The following LRRC37A2 variants were observed in gnomAD, a reference collection of about 807,000 sequenced individuals.
LRRC37A2 encodes leucine rich repeat containing 37 member A2, also known as leucine-rich repeat-containing protein 37A2.
Under a neutral mutation model 68.8 loss-of-function variants are expected in LRRC37A2, and 9 were observed. The ratio of observed to expected loss-of-function variants is 0.13; its 90% CI spans 0.08 to 0.23. LRRC37A2 has a LOEUF of 0.23. LRRC37A2 is among the 10% of genes least tolerant of loss of function. The probability of loss-of-function intolerance (pLI) is 1.00; values close to 1 mark genes in which losing one functional copy is unlikely to be tolerated. For synonymous variants in LRRC37A2, 63 were observed against 367.6 expected, an observed-to-expected ratio of 0.17 and a Z score of 9.48; for missense variants, 168 against 950.4, an observed-to-expected ratio of 0.18 and a Z score of 10.82.
chr17:46,879,000 C>T, the LRRC37A2 span, among the ~76,000 whole-genome samples: 5 of 152,206 alleles, frequency 3.3e-5, no homozygotes, highest in Admixed American at 2.6e-4. Context: ...CCTCGGCCCT[C>T]TTGGGGCCCC....
the LRRC37A2 span, chr17:47,034,990 G>A: frequency 6.6e-6 from 1 of 151,956 alleles, no homozygotes; most frequent in African/African-American, 2.4e-5. Flanking sequence ...GGAAGAGGAG[G>A]GGGATCACAA....
At chr17:47,037,119 G>A in the LRRC37A2 span, among the ~76,000 whole-genome samples, 1 of 136,422 alleles carries the variant, frequency 7.3e-6, no homozygotes, top group African/African-American at 2.7e-5. Context: ...GTGAAACCCC[G>A]TGTCTACTAA....
chr17:46,872,132 G>GC, the LRRC37A2 span, among the ~76,000 whole-genome samples: 1 of 152,164 alleles, frequency 6.6e-6, no homozygotes, highest in Non-Finnish European at 1.5e-5. Context: ...CACAAAAGCT[G>GC]CCTAGGGACT....
chr17:46,784,372 A>G, the LRRC37A2 span, among the ~76,000 whole-genome samples: 2 of 152,306 alleles, frequency 1.3e-5, no homozygotes, highest in Non-Finnish European at 2.9e-5. Context: ...TGGGCCCAAG[A>G]GAGGGACGGA....
At chr17:46,737,572 C>CGTGTGT in the LRRC37A2 span, among the ~76,000 whole-genome samples, 272 of 147,272 alleles carry the variant, frequency 1.8e-3, no homozygotes, top group Non-Finnish European at 2.8e-3. Context: ...GGTGTGTGTG[C>CGTGTGT]GTGTGTGTGT....
the LRRC37A2 span, chr17:46,762,533 T>C: frequency 2.0e-5 from 3 of 151,722 alleles, no homozygotes; most frequent in Non-Finnish European, 4.4e-5. Context: ...TTCTCTTTAA[T>C]GACTTAACAG....
chr17:46,869,628 A>G, the LRRC37A2 span, among the ~76,000 whole-genome samples: 1 of 152,266 alleles, frequency 6.6e-6, no homozygotes, highest in Non-Finnish European at 1.5e-5. Context: ...GTCAGAGGTC[A>G]TAATCAAGGA....
At chr17:46,759,676 C>T in the LRRC37A2 span, among the ~76,000 whole-genome samples, 2 of 152,176 alleles carry the variant, frequency 1.3e-5, no homozygotes, top group Admixed American at 6.5e-5. Context: ...CCAGGGGAGA[C>T]GGCATTAGGT....
At chr17:46,572,970 AAAGGGAGGGAGGGAGGGAGGGAGGGAGG>A in the LRRC37A2 span, among the ~76,000 whole-genome samples, 4 of 24,142 alleles carry the variant, frequency 1.7e-4, no homozygotes, top group Non-Finnish European at 6.6e-4. Context: ...AAAGGACAGA[AAAGGGAGGGAGGGAGGGAGGGAGGGAGG>A]AAGGGAGGAA....
At chr17:46,731,887 A>C in the LRRC37A2 span, among the ~76,000 whole-genome samples, 1 of 152,242 alleles carries the variant, frequency 6.6e-6, no homozygotes, top group African/African-American at 2.4e-5. Context: ...AACAAAATAA[A>C]AATGTGCTTT....
the LRRC37A2 span, among the ~76,000 whole-genome samples, chr17:46,735,405 C>T: frequency 1.3e-5 from 2 of 151,716 alleles, no homozygotes; most frequent in Non-Finnish European, 2.9e-5. Flanking sequence ...CCATGGGTGC[C>T]ATGACTCTAG....
At chr17:46,868,354 G>A in the LRRC37A2 span, among the ~76,000 whole-genome samples, 1 of 152,200 alleles carries the variant, frequency 6.6e-6, no homozygotes, top group Non-Finnish European at 1.5e-5. Context: ...CACTTTGGGA[G>A]GCCAAGGTGG....
At chr17:47,000,132 AAAAT>A in the LRRC37A2 span, among the ~76,000 whole-genome samples, 1 of 143,628 alleles carries the variant, frequency 7.0e-6, no homozygotes, top group Non-Finnish European at 1.5e-5. Flanking sequence ...AAAATAAAAT[AAAAT>A]AGTGCTGTGA....
chr17:46,912,466 G>A, the LRRC37A2 span, among the ~76,000 whole-genome samples: 1 of 152,140 alleles, frequency 6.6e-6, no homozygotes, highest in Non-Finnish European at 1.5e-5. Flanking sequence ...CAATACACTG[G>A]TTTTCCTTAG....
At chr17:46,810,194 G>C in the LRRC37A2 span, among the ~76,000 whole-genome samples, 1 of 151,868 alleles carries the variant, frequency 6.6e-6, no homozygotes, top group Non-Finnish European at 1.5e-5. Flanking sequence ...TTTTAGTAGA[G>C]ACAGGGTTTC....
the LRRC37A2 span, chr17:46,936,527 C>T: frequency 2.0e-6 from 2 of 985,510 alleles, no homozygotes; most frequent in Non-Finnish European, 2.4e-6. Flanking sequence ...TGCCTCACAC[C>T]CTGCCTCCGT....
chr17:46,625,873 A>G, the LRRC37A2 span, among the ~76,000 whole-genome samples: 3 of 103,708 alleles, frequency 2.9e-5, no homozygotes, highest in Admixed American at 1.1e-4. Context: ...GCAAGACCAC[A>G]TGTATTAAAA....
At chr17:46,549,131 G>C (rs369457268) in exon 10 of LRRC37A2, 13 of 1,611,486 alleles carry the variant, frequency 8.1e-6, no homozygotes, top group African/African-American at 5.5e-5. Flanking sequence ...AGAAAGAAAA[G>C]TTATCTGAGT....
the LRRC37A2 span, chr17:46,941,049 C>T: frequency 9.2e-7 from 1 of 1,083,484 alleles, no homozygotes; most frequent in African/African-American, 1.6e-5. Flanking sequence ...ATGCAAGAAA[C>T]TCCGGTAGCC....
Sources: allele counts gnomAD v4.1 joint callset (sites outside exome capture counted in the v4.1 genomes callset), GRCh38; gene constraint gnomAD v4.1.1; transcripts MANE v1.5; gene names NCBI Gene and HGNC (gene_info 2026-07-23, HGNC 2026-07-21).